ZFHX3: variants seen among roughly 807,000 people sequenced by gnomAD.
ZFHX3 encodes zinc finger homeobox 3, also known as zinc finger homeobox protein 3.
In ZFHX3, 42 loss-of-function variants were observed where a neutral mutation model predicts 279.1. That is an observed-to-expected ratio of 0.15 (90% CI 0.12 to 0.19). ZFHX3 has a LOEUF of 0.19. ZFHX3 is among the 10% of genes least tolerant of loss of function. The probability of loss-of-function intolerance (pLI) is 1.00; values close to 1 mark genes in which losing one functional copy is unlikely to be tolerated. For missense variants in ZFHX3, 4,981 were observed against 4,754.0 expected (o/e 1.05, Z -1.40); for synonymous variants, 2,293 against 1,957.8 (o/e 1.17, Z -4.52).
intron 5 of ZFHX3, among the ~76,000 whole-genome samples, chr16:73,212,263 T>C (rs2144911193): frequency 6.6e-6 from 1 of 152,198 alleles, no homozygotes; most frequent in South Asian, 2.1e-4. Flanking sequence ...TGCATATATA[T>C]CTATACACCC....
chr16:73,327,409 C>T (rs2015712317), intron 3 of ZFHX3, among the ~76,000 whole-genome samples: 1 of 152,198 alleles, frequency 6.6e-6, no homozygotes, highest in African/African-American at 2.4e-5. Context: ...AACCAAACAA[C>T]CCTCTTCTAT....
intron 1 of ZFHX3, among the ~76,000 whole-genome samples, chr16:73,012,144 T>A (rs768435987): frequency 6.6e-5 from 10 of 152,230 alleles, no homozygotes; most frequent in Non-Finnish European, 1.3e-4. Context: ...CACTGCCAAC[T>A]GAGAACTTGA....
chr16:72,967,853 G>A (rs541909175), intron 1 of ZFHX3, among the ~76,000 whole-genome samples: 6 of 151,304 alleles, frequency 4.0e-5, no homozygotes, highest in South Asian at 2.1e-4. Context: ...GCGTGAACCC[G>A]GGAGACACAA....
At chr16:73,126,342 G>T (rs925666700) in intron 7 of ZFHX3, among the ~76,000 whole-genome samples, 1 of 152,140 alleles carries the variant, frequency 6.6e-6, no homozygotes, top group Admixed American at 6.5e-5. Context: ...GGTGATGAGG[G>T]CTTGAATGAG....
intron 1 of ZFHX3, among the ~76,000 whole-genome samples, chr16:73,702,587 C>T (rs2142218020): frequency 6.6e-6 from 1 of 152,214 alleles, no homozygotes; most frequent in Admixed American, 6.5e-5. Context: ...GTTATCGGCC[C>T]CTCCACAATG....
At chr16:73,757,834 G>A (rs907105319) in intron 1 of ZFHX3, among the ~76,000 whole-genome samples, 1 of 152,186 alleles carries the variant, frequency 6.6e-6, no homozygotes, top group African/African-American at 2.4e-5. Context: ...CTGTGTCCAA[G>A]AAGCCCAGGA....
Position 73,555,851 on chromosome 16 carries a change from G to T in ZFHX3, c.-1546-99593C>A, listed in dbSNP as rs143948381. ...CCATCTCAAAAAAAAAAAAAGAAAAGAAAAGGATGCAGTTACGAGGTAAAC... is the reference window on the plus strand; with the variant it reads ...CCATCTCAAAAAAAAAAAAAGAAAATAAAAGGATGCAGTTACGAGGTAAAC... On this transcript the variant is annotated intron_variant, in intron 2 of 17. Coordinates refer to the ZFHX3 transcript ENST00000641206. Among the ~76,000 whole-genome samples, 8 of 151,340 alleles carry T rather than the reference G, an allele frequency of 5.3e-5. No homozygotes were observed. The East Asian group carries it at 7.8e-4, about 15-fold the overall frequency.
Position 72,788,307 on chromosome 16 carries a change from G to C in ZFHX3, c.9969C>G (p.Ile3323Met), listed in dbSNP as rs1056741059. 12 of 1,614,090 alleles carry C rather than the reference G, an allele frequency of 7.4e-6. No homozygotes were observed. In the Admixed American group the frequency reaches 1.8e-4, roughly 25 times the overall value. Residue 3323 changes from isoleucine (I) to methionine (M), a missense_variant, in exon 10 of 10, where the codon ATC becomes ATG. By Grantham distance (10) the Ile-to-Met change is conservative. Around this residue, in one of 7 missense-constraint regions of ZFHX3, gnomAD observed 1,034 missense variants for 786.0 expected, o/e 1.32. Coordinates refer to ENST00000268489, the MANE Select transcript of ZFHX3 (RefSeq NM_006885.4). ...PGFSPYYAPQ[I>M]PGALQSGYLQ... is the part of the protein sequence containing the mutation. ...GGTACCCGCTCTGCAGGGCGCCAGG[G>C]ATCTGGGGAGCATAATAAGGAGAAA... is the stretch of plus-strand genomic sequence containing the variant.
rs762160715 is a variant in ZFHX3, at chr16:72,787,627, G to T, written c.10649C>A (p.Ser3550Ter). 6.2e-7 allele frequency: 1 copy of T among 1,612,328 alleles called. No individual in the cohort carries two copies. The highest frequency in any genetic ancestry group is 8.5e-7 in the Non-Finnish European group (1 of 1,179,098). The change falls in exon 10 of 10, where the codon TCG (serine) becomes TAG (stop). Residue 3550 changes from serine to a stop codon, truncating the protein, a stop_gained. Transcript: ENST00000268489. LOFTEE classifies it high-confidence loss of function. ...GATTGTTCTGTGTTTGTGCAAGGCC[G>T]ACTCGAGATGTTGACTCAGAGCTTC... The part of the protein sequence containing the change: ...GEEALSQHLE[S>*]ALHKHRTITR...
At chr16:73,679,808 C>T (rs1402777743) in intron 2 of ZFHX3, 7 of 152,154 alleles carry the variant, frequency 4.6e-5, no homozygotes, top group Non-Finnish European at 1.0e-4. Flanking sequence ...ATTATCAAAG[C>T]TCATGACTTA....
rs973923607 is a variant in ZFHX3, at chr16:73,464,839, G to A, written c.-1546-8581C>T. 3.4e-4 allele frequency among the ~76,000 whole-genome samples: 52 copies of A among 152,182 alleles called. 1 individual carries two copies. The highest frequency in any genetic ancestry group is 1.3e-3 in the African/African-American group (52 of 41,446). ...TCTTTATCGTTCCTTTGTCAAATGG[G>A]AAAGTTCATTTTCCTAGTATGTCCA... On this transcript the variant is annotated intron_variant, in intron 2 of 17. Coordinates refer to the ZFHX3 transcript ENST00000641206.
rs192583886 is a variant in ZFHX3, at chr16:73,580,407, G to A, written c.-1547+99773C>T. On this transcript the variant is annotated intron_variant, in intron 2 of 17. Transcript: ENST00000641206. ...GCAGGAGAATCTCTTGTACCCAGAA[G>A]GCAGAGGTTGCAGTGAGCCAAGATC... is the stretch of plus-strand genomic sequence containing the variant. 1.4e-3 allele frequency among the ~76,000 whole-genome samples: 209 copies of A among 152,032 alleles called. 6 individuals are homozygous for A. The highest frequency in any genetic ancestry group is 4.8e-3 in the African/African-American group (198 of 41,298).
chr16:72,938,461 A>C (rs759591536), intron 3 of ZFHX3, among the ~76,000 whole-genome samples: 19 of 152,262 alleles, frequency 1.2e-4, no homozygotes, highest in African/African-American at 4.6e-4. Flanking sequence ...CAAGAGGAAG[A>C]AAGCACAGGC....
rs1384133882 is a variant in ZFHX3 at position 73,683,005 on chromosome 16, AAGAAAG to A, written c.-1607-2771_-1607-2766del. Among the ~76,000 whole-genome samples, 415 of 85,426 alleles carry A rather than the reference AAGAAAG, an allele frequency of 4.9e-3. 15 individuals carry two copies. Among genetic ancestry groups the A allele is most frequent in the Non-Finnish European group, 7.5e-3 (259 of 34,650 alleles). The allele number at this position is 85,426 out of a possible 152,430, so 56.0% of individuals were successfully genotyped here. On this transcript the variant is annotated intron_variant, in intron 1 of 17. Coordinates refer to the ZFHX3 transcript ENST00000641206. ...AAGAAAGAAAGAAAAGAAAGAAAGA[AAGAAAG>A]AGAAAGGAGGGAGGGAGGGAGAAGG...
At chr16:73,252,474 A>G (rs2013539015) in intron 5 of ZFHX3, among the ~76,000 whole-genome samples, 1 of 152,196 alleles carries the variant, frequency 6.6e-6, no homozygotes, top group Admixed American at 6.5e-5. Flanking sequence ...TGGGGGTCTC[A>G]TGAAGAGAAA....
At chr16:73,543,036 C>T (rs17376200) in intron 2 of ZFHX3, among the ~76,000 whole-genome samples, 4,360 of 152,188 alleles carry the variant, frequency 0.029, 91 homozygotes, top group Non-Finnish European at 0.042. Context: ...CTGGGGACCA[C>T]GGGAAGGAGA....
At chr16:72,949,253 G>A (rs1960853861) in intron 3 of ZFHX3, among the ~76,000 whole-genome samples, 1 of 152,210 alleles carries the variant, frequency 6.6e-6, no homozygotes, top group Non-Finnish European at 1.5e-5. Context: ...GACTCAACTA[G>A]CTCGGGGCCA....
intron 2 of ZFHX3, among the ~76,000 whole-genome samples, chr16:73,646,603 T>C (rs2052620369): frequency 6.6e-6 from 1 of 152,076 alleles, no homozygotes; most frequent in Admixed American, 6.6e-5. Context: ...TATTAGGAAA[T>C]AGAAAAGGCA....
At chr16:73,483,928 T>C (rs1478923809) in intron 2 of ZFHX3, among the ~76,000 whole-genome samples, 1 of 85,898 alleles carries the variant, frequency 1.2e-5, no homozygotes, top group Non-Finnish European at 2.1e-5. Flanking sequence ...CCCTCTGCCT[T>C]TGTTTTTTTT....
Sources: allele counts gnomAD v4.1 joint callset (sites outside exome capture counted in the v4.1 genomes callset), GRCh38; gene constraint gnomAD v4.1.1; regional missense constraint gnomAD v4.1.1; transcripts MANE v1.5; gene names NCBI Gene and HGNC (gene_info 2026-07-23, HGNC 2026-07-21).